The following TNRC6A variants were observed in gnomAD, a reference collection of about 807,000 sequenced individuals.
TNRC6A encodes trinucleotide repeat-containing gene 6A protein.
In TNRC6A, 44 loss-of-function variants were observed where a neutral mutation model predicts 221.2. The observed-to-expected ratio is 0.20, with a 90% confidence interval of 0.16 to 0.26. The LOEUF (loss-of-function observed/expected upper bound fraction) is 0.26, where lower values mean the gene tolerates loss of function less well. Among genes scored for constraint, TNRC6A ranks in the 10% least tolerant of loss-of-function variants. The pLI is 1.00. For missense variants in TNRC6A, 2,199 were observed against 2,404.4 expected (o/e 0.91, Z 1.79); for synonymous variants, 847 against 838.5 (o/e 1.01, Z -0.18).
chr16:24,700,016 C>T (rs528302305), intron 2 of TNRC6A, among the ~76,000 whole-genome samples: 2 of 152,216 alleles, frequency 1.3e-5, no homozygotes, highest in African/African-American at 4.8e-5. Context: ...TCTGCCCCTT[C>T]CAGAATCAGG....
chr16:24,652,445 C>T (rs1264287447), intron 2 of TNRC6A, among the ~76,000 whole-genome samples: 1 of 152,142 alleles, frequency 6.6e-6, no homozygotes, highest in African/African-American at 2.4e-5. Context: ...ATTTATGAGG[C>T]TTTTCTCCAC....
intron 2 of TNRC6A, among the ~76,000 whole-genome samples, chr16:24,645,442 A>T (rs1281589942): frequency 6.6e-6 from 1 of 151,868 alleles, no homozygotes; most frequent in East Asian, 1.9e-4. Flanking sequence ...GTGAGCCAAG[A>T]TCACGCCACT....
At chr16:24,776,614 C>T (rs2057722803) in intron 4 of TNRC6A, 1 of 985,278 alleles carries the variant, frequency 1.0e-6, no homozygotes, top group Non-Finnish European at 1.2e-6. Flanking sequence ...ATTGCGAGTT[C>T]CCTGGTTTTG....
At chr16:24,708,294 G>A (rs113271742) in intron 2 of TNRC6A, among the ~76,000 whole-genome samples, 38,424 of 149,848 alleles carry the variant, frequency 0.26, 8,193 homozygotes, top group East Asian at 0.72. Context: ...AGGCTGGGGT[G>A]CGGTGGCGCG....
At chr16:24,664,952 C>A (rs779858262) in intron 2 of TNRC6A, 1 of 456,312 alleles carries the variant, frequency 2.2e-6, no homozygotes. Flanking sequence ...AGGCACGAGG[C>A]TCCACAGAAT....
chr16:24,746,793 T>C (rs1422998539), intron 2 of TNRC6A, among the ~76,000 whole-genome samples: 1 of 152,152 alleles, frequency 6.6e-6, no homozygotes, highest in African/African-American at 2.4e-5. Flanking sequence ...GGGCTGGGAA[T>C]GTAGGAAAAA....
At chr16:24,666,209 C>T (rs2055155541) in intron 2 of TNRC6A, among the ~76,000 whole-genome samples, 1 of 152,002 alleles carries the variant, frequency 6.6e-6, no homozygotes, top group Non-Finnish European at 1.5e-5. Context: ...TGGCTCATGC[C>T]TGTAATCCCA....
chr16:24,675,007 G>A (rs2055379537), intron 2 of TNRC6A, among the ~76,000 whole-genome samples: 1 of 152,114 alleles, frequency 6.6e-6, no homozygotes, highest in Non-Finnish European at 1.5e-5. Context: ...TTAGCCAGTT[G>A]TGGTGGCATG....
intron 2 of TNRC6A, among the ~76,000 whole-genome samples, chr16:24,668,385 T>G (rs1003208657): frequency 3.3e-5 from 5 of 150,430 alleles, no homozygotes; most frequent in African/African-American, 5.0e-5. Flanking sequence ...AAAAGAAAAA[T>G]AAATTACATA....
At chr16:24,813,558 A>G (rs1296343177) in intron 18 of TNRC6A, among the ~76,000 whole-genome samples, 2 of 152,186 alleles carry the variant, frequency 1.3e-5, no homozygotes, top group African/African-American at 4.8e-5. Context: ...GAATGAGACG[A>G]TGCATCTCAG....
intron 2 of TNRC6A, among the ~76,000 whole-genome samples, chr16:24,736,515 G>A (rs2056771347): frequency 6.6e-6 from 1 of 151,978 alleles, no homozygotes; most frequent in African/African-American, 2.4e-5. Flanking sequence ...TCTTACATTA[G>A]GAGCATTTTC....
intron 5 of TNRC6A, among the ~76,000 whole-genome samples, chr16:24,785,300 T>A (rs780435155): frequency 6.6e-6 from 1 of 152,240 alleles, no homozygotes; most frequent in Non-Finnish European, 1.5e-5. Context: ...TTTTGCAGAC[T>A]CTTGTTAACA....
chr16:24,683,060 T>A (rs1042541245), intron 2 of TNRC6A, among the ~76,000 whole-genome samples: 10 of 152,158 alleles, frequency 6.6e-5, no homozygotes, highest in African/African-American at 2.4e-4. Flanking sequence ...TCATATGTGC[T>A]ATGAAGCTTG....
chr16:24,816,970 G>A lies in TNRC6A; in HGVS notation c.4972+14G>A. 1 of 1,606,510 alleles carries A rather than the reference G, an allele frequency of 6.2e-7. No individual in the cohort carries two copies. On this transcript the variant is annotated intron_variant, in intron 20 of 24. Transcript: ENST00000395799. ...ACAGGAACAGTGGTACGTAGGGGGT[G>A]CAAATCAATTTCTGAGTGACACTTA...
At position 24,758,414 on chromosome 16, in the gene TNRC6A, T is replaced by C; in HGVS notation, c.163+54T>C. On this transcript the variant is annotated intron_variant, in intron 4 of 24. Transcript: ENST00000395799. ...CTTTTTTCATTAAAGCAAGGTTGTT[T>C]ATGTGCATTTTTGTTCACCTCAAGG... 1.9e-6 allele frequency: 3 copies of C among 1,579,562 alleles called. No homozygotes were observed. In the South Asian group the frequency reaches 3.3e-5, roughly 18 times the overall value.
At chr16:24,691,511 G>A (rs2055755810) in intron 2 of TNRC6A, among the ~76,000 whole-genome samples, 1 of 152,108 alleles carries the variant, frequency 6.6e-6, no homozygotes, top group Admixed American at 6.6e-5. Context: ...GCTCACACCT[G>A]TAATCCCAGC....
chr16:24,810,907 C>T (rs1417519655), intron 18 of TNRC6A, among the ~76,000 whole-genome samples: 1 of 152,326 alleles, frequency 6.6e-6, no homozygotes, highest in African/African-American at 2.4e-5. Flanking sequence ...TGGTAACTCA[C>T]TTAACTCATT....
In TNRC6A at chr16:24,788,259, C is replaced by T. The variant is rs111526503; in HGVS notation, c.590-973C>T. Among the ~76,000 whole-genome samples, 13 of 152,308 alleles carry T rather than the reference C, an allele frequency of 8.5e-5. 1 individual carries two copies. Among genetic ancestry groups the T allele is most frequent in the African/African-American group, 2.6e-4 (11 of 41,566 alleles). On this transcript the variant is annotated intron_variant, in intron 5 of 24. Coordinates refer to ENST00000395799, the MANE Select transcript of TNRC6A (RefSeq NM_014494.4). ...AATAATTCTGTGATCTTCAACATAA[C>T]TAACCATTACTTTTCTGTTCTTTTA...
chr16:24,693,805 T>G (rs553806357), intron 2 of TNRC6A, among the ~76,000 whole-genome samples: 2 of 148,662 alleles, frequency 1.3e-5, no homozygotes, highest in Admixed American at 1.4e-4. Context: ...GGGGCTGAGA[T>G]GGGAAGATCA....
Sources: gnomAD v4.1 joint callset for allele counts (sites outside exome capture counted in the v4.1 genomes callset) on GRCh38, gnomAD v4.1.1 for gene constraint, MANE v1.5 for transcripts, NCBI Gene and HGNC (gene_info 2026-07-23, HGNC 2026-07-21) for gene names.